ANOS1: variants seen among roughly 807,000 people sequenced by gnomAD.
The protein encoded by ANOS1 is anosmin-1.
A neutral mutation model predicts 59.0 loss-of-function variants in ANOS1; 6 were observed. The observed-to-expected ratio is 0.10, with a 90% CI of 0.06 to 0.20. The LOEUF is 0.20. Among genes scored for constraint, ANOS1 ranks in the 10% least tolerant of loss-of-function variants. The pLI is 1.00. For missense variants in ANOS1, 433 were observed against 542.3 expected, an observed-to-expected ratio of 0.80 and a Z score of 2.00; for synonymous variants, 217 against 223.4, an observed-to-expected ratio of 0.97 and a Z score of 0.25.
At chrX:8,551,240 AAGG>A (rs1333941151) in intron 9 of ANOS1, among the ~76,000 whole-genome samples, 1 of 112,430 alleles carries the variant, frequency 8.9e-6, no homozygotes, top group Non-Finnish European at 1.9e-5. Flanking sequence ...GAAGACAAGA[AAGG>A]AGAATATCTT....
At chrX:8,730,054 C>A (rs1267966572) in intron 1 of ANOS1, among the ~76,000 whole-genome samples, 1 of 111,628 alleles carries the variant, frequency 9.0e-6, no homozygotes, top group African/African-American at 3.3e-5. Flanking sequence ...ACAAGAAAAG[C>A]CTTTCACGGG....
At chrX:8,635,894 C>T (rs1014625420) in intron 2 of ANOS1, among the ~76,000 whole-genome samples, 2 of 111,669 alleles carry the variant, frequency 1.8e-5, no homozygotes, top group East Asian at 2.8e-4. Flanking sequence ...GCTGAATTAA[C>T]GGGATCCATG....
At chrX:8,708,359 A>T (rs5978948) in intron 1 of ANOS1, among the ~76,000 whole-genome samples, 49,830 of 110,689 alleles carry the variant, frequency 0.45, 8,304 homozygotes, top group East Asian at 0.61. Flanking sequence ...TTTGCAATCT[A>T]TCCATCTGAC....
At chrX:8,595,289 A>G (rs1930713204) in intron 4 of ANOS1, among the ~76,000 whole-genome samples, 1 of 111,864 alleles carries the variant, frequency 8.9e-6, no homozygotes, top group Non-Finnish European at 1.9e-5. Context: ...AAATTTCGCA[A>G]AAGTGACTTG....
intron 9 of ANOS1, among the ~76,000 whole-genome samples, chrX:8,541,989 G>A (rs1207142922): frequency 1.1e-5 from 1 of 92,313 alleles, no homozygotes; most frequent in Non-Finnish European, 2.1e-5. Flanking sequence ...ATTTTACAAT[G>A]CAATTATATT....
intron 2 of ANOS1, among the ~76,000 whole-genome samples, chrX:8,659,832 T>C (rs945710386): frequency 9.0e-6 from 1 of 110,590 alleles, no homozygotes. Context: ...TTTTGCCATG[T>C]TGGCCAGGCT....
chrX:8,580,213 A>G (rs1930398463), intron 6 of ANOS1, among the ~76,000 whole-genome samples: 1 of 112,468 alleles, frequency 8.9e-6, no homozygotes, highest in East Asian at 2.8e-4. Context: ...GCAGTCCCAC[A>G]TTCTAAATAA....
chrX:8,556,387 A>T (rs1419290654), intron 8 of ANOS1, among the ~76,000 whole-genome samples: 1 of 112,068 alleles, frequency 8.9e-6, no homozygotes, highest in Non-Finnish European at 1.9e-5. Context: ...GAGGAAGTCA[A>T]ATTGTCTCTG....
At chrX:8,638,063 G>A (rs1050434767) in intron 2 of ANOS1, among the ~76,000 whole-genome samples, 5 of 111,695 alleles carry the variant, frequency 4.5e-5, no homozygotes, top group African/African-American at 1.6e-4. Context: ...GCAAGCAGGA[G>A]AGTCAGCTCT....
At chrX:8,729,641 G>A (rs1012262082) in intron 1 of ANOS1, among the ~76,000 whole-genome samples, 5 of 95,661 alleles carry the variant, frequency 5.2e-5, no homozygotes, top group Admixed American at 1.2e-4. Flanking sequence ...TGATCTGCCC[G>A]CCTTGGCCTC....
intron 2 of ANOS1, among the ~76,000 whole-genome samples, chrX:8,696,086 G>A (rs999813076): frequency 2.7e-5 from 3 of 111,691 alleles, no homozygotes; most frequent in Non-Finnish European, 5.6e-5. Context: ...GGCTGGTATG[G>A]GGCCCCACAG....
chrX:8,557,559 T>G (rs1370053252), intron 8 of ANOS1, among the ~76,000 whole-genome samples: 1 of 111,845 alleles, frequency 8.9e-6, no homozygotes, highest in Non-Finnish European at 1.9e-5. Flanking sequence ...ATGCGGCCAA[T>G]AAACGTATGA....
chrX:8,587,367 T>C (rs1348336314), intron 5 of ANOS1, among the ~76,000 whole-genome samples: 2 of 111,213 alleles, frequency 1.8e-5, no homozygotes, highest in East Asian at 5.7e-4. Context: ...TCTTATGCCA[T>C]GCTCCTAAAG....
intron 2 of ANOS1, among the ~76,000 whole-genome samples, chrX:8,630,682 C>A (rs761175280): frequency 3.6e-5 from 4 of 111,645 alleles, no homozygotes; most frequent in African/African-American, 1.3e-4. Flanking sequence ...GAAAACAAGG[C>A]TGGAAGGATA....
chrX:8,532,373 A>G lies in ANOS1; in HGVS notation c.*622T>C, dbSNP rs1929513804. 8.9e-6 allele frequency: 1 copy of G among 111,828 alleles called. No homozygotes were observed. The highest frequency in any genetic ancestry group is 1.9e-5 in the Non-Finnish European group (1 of 53,180). 9.2% of individuals were successfully genotyped at this position (111,828 alleles called of 1,213,427 possible). On this transcript the variant is annotated 3_prime_UTR_variant, in exon 14 of 14. Coordinates refer to ENST00000262648, the MANE Select transcript of ANOS1 (RefSeq NM_000216.4). The stretch of plus-strand genomic sequence containing the variant: ...GGGTGTCTTTTGTAAATCATAATTT[A>G]TAGAGGGAACTTTGATTTACCTTTG...
At chrX:8,646,627 T>A (rs1345029845) in intron 2 of ANOS1, among the ~76,000 whole-genome samples, 1 of 110,316 alleles carries the variant, frequency 9.1e-6, no homozygotes. Flanking sequence ...GAGAATAAAA[T>A]CCTGTTTCAA....
At chrX:8,548,666 G>A (rs1929808106) in intron 9 of ANOS1, among the ~76,000 whole-genome samples, 1 of 112,315 alleles carries the variant, frequency 8.9e-6, no homozygotes, top group African/African-American at 3.2e-5. Flanking sequence ...TTTGACTGGA[G>A]GCTACACTGT....
At chrX:8,652,903 T>C (rs1298232107) in intron 2 of ANOS1, among the ~76,000 whole-genome samples, 1 of 111,124 alleles carries the variant, frequency 9.0e-6, no homozygotes, top group African/African-American at 3.3e-5. Context: ...TCACCCAGGT[T>C]GTAGAGCAGA....
At chrX:8,667,027 C>G (rs144768228) in intron 2 of ANOS1, among the ~76,000 whole-genome samples, 1,391 of 111,400 alleles carry the variant, frequency 0.012, 26 homozygotes, top group African/African-American at 0.043. Flanking sequence ...CATTTTTAGG[C>G]CAGCCATTAC....
Sources: gnomAD v4.1 joint callset for allele counts (sites outside exome capture counted in the v4.1 genomes callset) on GRCh38, gnomAD v4.1.1 for gene constraint, MANE v1.5 for transcripts, NCBI Gene and HGNC (gene_info 2026-07-23, HGNC 2026-07-21) for gene names.